Variants in TMPRSS2 observed in about 807,000 individuals in gnomAD.
The protein encoded by TMPRSS2 is transmembrane serine protease 2.
TMPRSS2 carries 59 observed loss-of-function variants against 67.4 expected under a neutral mutation model. The ratio of observed to expected loss-of-function variants is 0.88; its 90% CI spans 0.71 to 1.09. The LOEUF is 1.09. Among genes scored for constraint, TMPRSS2 ranks in the 50% least tolerant of loss-of-function variants. TMPRSS2 has a pLI of 0.00. For missense variants in TMPRSS2, 668 were observed against 642.7 expected (o/e 1.04, Z -0.43); for synonymous variants, 257 against 257.0 (o/e 1.00, Z 0.00).
chr21:41,487,874 C>G (rs1191937940), intron 5 of TMPRSS2: 1 of 152,916 alleles, frequency 6.5e-6, no homozygotes, highest in African/African-American at 2.4e-5. Context: ...CTCACTGCAA[C>G]CTCCGCCTCC....
chr21:41,471,423 C>A (rs908009067), intron 10 of TMPRSS2, among the ~76,000 whole-genome samples: 1 of 152,228 alleles, frequency 6.6e-6, no homozygotes, highest in Non-Finnish European at 1.5e-5. Context: ...CTGGTTGTCA[C>A]AGCTTGGTAG....
chr21:41,466,273 A>C (rs571587918), intron 13 of TMPRSS2, 120 bp from the exon 14 acceptor site: 5 of 919,370 alleles, frequency 5.4e-6, no homozygotes, highest in African/African-American at 5.0e-5. Context: ...GCTTAATAGC[A>C]CAAAGGGATC....
At chr21:41,505,143 A>G (rs1405441215) in intron 1 of TMPRSS2, among the ~76,000 whole-genome samples, 3 of 152,068 alleles carry the variant, frequency 2.0e-5, no homozygotes, top group African/African-American at 7.2e-5. Context: ...CAAGCACTCC[A>G]TTGACCATTC....
intron 11 of TMPRSS2, 95 bp downstream of exon 11, chr21:41,470,553 T>C: frequency 2.7e-6 from 3 of 1,129,616 alleles, no homozygotes; most frequent in Non-Finnish European, 3.8e-6. Flanking sequence ...AGTCATTGAG[T>C]AGTAGAACTG....
chr21:41,466,283 C>A, intron 13 of TMPRSS2, 130 bp from the exon 14 acceptor site: 1 of 856,924 alleles, frequency 1.2e-6, no homozygotes. Context: ...ACAAAGGGAT[C>A]ATTCTTCTCT....
chr21:41,473,298 A>G, intron 9 of TMPRSS2, 27 bp downstream of exon 9: 1 of 1,553,724 alleles, frequency 6.4e-7, no homozygotes, highest in Non-Finnish European at 8.7e-7. Flanking sequence ...CTGAGCCCCC[A>G]CCCGGCCCGC....
At chr21:41,477,128 CA>C (rs2091220446) in intron 7 of TMPRSS2, among the ~76,000 whole-genome samples, 1 of 152,182 alleles carries the variant, frequency 6.6e-6, no homozygotes, top group Admixed American at 6.5e-5. Flanking sequence ...GTAACTGATG[CA>C]TTTTGTCCTG....
chr21:41,476,346 C>A (rs545165511), intron 8 of TMPRSS2, among the ~76,000 whole-genome samples: 5 of 152,250 alleles, frequency 3.3e-5, no homozygotes, highest in African/African-American at 7.2e-5. Flanking sequence ...GCTTCTTGAG[C>A]GTGCCTGATC....
In TMPRSS2 at chr21:41,480,525, C is replaced by T. The variant is rs748571451; in HGVS notation, c.523G>A (p.Asp175Asn). 38 of 1,613,616 alleles carry T rather than the reference C, an allele frequency of 2.4e-5. No homozygotes were observed. In the Admixed American group the frequency reaches 5.5e-4, roughly 23 times the overall value. Reference sequence around the variant, plus strand: ...GCCCGCCCGTAGTTCTCGTTCCAGTCGTCTTGGCACACAGGGTGCCAGGAC... The same window carrying T: ...GCCCGCCCGTAGTTCTCGTTCCAGTTGTCTTGGCACACAGGGTGCCAGGAC... The part of the protein sequence containing the change: ...RKSWHPVCQD[D>N]WNENYGRAAC... The change falls in exon 6 of 14, where the codon GAC becomes AAC. Residue 175 changes from aspartate (D) to asparagine (N), a missense_variant. Physicochemically the swap from Asp to Asn is conservative, Grantham distance 23. Transcript: ENST00000332149.
intron 7 of TMPRSS2, 54 bp from the exon 8 acceptor site, chr21:41,476,674 C>T: frequency 6.8e-7 from 1 of 1,470,496 alleles, no homozygotes; most frequent in Non-Finnish European, 9.5e-7. Context: ...TCACCTGCCT[C>T]TCACATGCTT....
intron 1 of TMPRSS2, among the ~76,000 whole-genome samples, chr21:41,500,866 G>T (rs112416131): frequency 3.3e-5 from 5 of 152,256 alleles, no homozygotes; most frequent in African/African-American, 1.2e-4. Flanking sequence ...AATAAATCCC[G>T]CATTCTTGTC....
chr21:41,473,027 A>C (rs2091147870), intron 9 of TMPRSS2, among the ~76,000 whole-genome samples: 1 of 152,140 alleles, frequency 6.6e-6, no homozygotes, highest in African/African-American at 2.4e-5. Context: ...GGCTTTGCTC[A>C]AGGGCAGGAC....
In TMPRSS2 at chr21:41,480,550, C is replaced by T. The variant is rs763953663; in HGVS notation, c.498G>A (p.Lys166=). ...CGTCTTGGCACACAGGGTGCCAGGA[C>T]TTCCTCTGAGATGAGTACACCTGAA... is the stretch of plus-strand genomic sequence containing the variant. ...FILQVYSSQR[K]SWHPVCQDDW... Residue 166 remains lysine (K), a synonymous_variant, in exon 6 of 14, where the codon AAG becomes AAA. Transcript: ENST00000332149. 6.2e-7 allele frequency: 1 copy of T among 1,613,862 alleles called. No individual in the cohort carries two copies. The highest frequency in any genetic ancestry group is 8.5e-7 in the Non-Finnish European group (1 of 1,180,048).
At chr21:41,475,976 C>T (rs1444597344) in intron 8 of TMPRSS2, among the ~76,000 whole-genome samples, 1 of 151,954 alleles carries the variant, frequency 6.6e-6, no homozygotes, top group African/African-American at 2.4e-5. Context: ...CACGGCCCCA[C>T]GACAGCACTG....
chr21:41,500,866 G>A (rs112416131), intron 1 of TMPRSS2, among the ~76,000 whole-genome samples: 4 of 152,138 alleles, frequency 2.6e-5, no homozygotes, highest in East Asian at 1.9e-4. Flanking sequence ...AATAAATCCC[G>A]CATTCTTGTC....
chr21:41,503,932 C>T (rs1381741328), intron 1 of TMPRSS2, among the ~76,000 whole-genome samples: 1 of 152,172 alleles, frequency 6.6e-6, no homozygotes, highest in Non-Finnish European at 1.5e-5. Flanking sequence ...TCTCCCATGA[C>T]CCCTGGGCTA....
intron 7 of TMPRSS2, among the ~76,000 whole-genome samples, chr21:41,477,306 A>G (rs2091222371): frequency 6.6e-6 from 1 of 152,144 alleles, no homozygotes; most frequent in Admixed American, 6.5e-5. Context: ...AGACACAAGG[A>G]GCCTCCTCCG....
intron 1 of TMPRSS2, among the ~76,000 whole-genome samples, chr21:41,501,608 CAAAAAA>C (rs57394908): frequency 3.5e-5 from 3 of 86,518 alleles, no homozygotes; most frequent in South Asian, 4.0e-4. Flanking sequence ...GACTCTGTCT[CAAAAAA>C]AAAAAAAAAA....
At chr21:41,467,950 C>G (rs2091098361) in intron 12 of TMPRSS2, 64 bp from the exon 13 acceptor site, 2 of 1,598,958 alleles carry the variant, frequency 1.3e-6, no homozygotes, top group Non-Finnish European at 1.7e-6. Flanking sequence ...ACACCACTGA[C>G]CAGGCCTAGA....
Sources: gnomAD v4.1 joint callset for allele counts (sites outside exome capture counted in the v4.1 genomes callset) on GRCh38, gnomAD v4.1.1 for gene constraint, MANE v1.5 for transcripts, NCBI Gene and HGNC (gene_info 2026-07-23, HGNC 2026-07-21) for gene names.